The following TIAM2 variants were observed in gnomAD, a reference collection of about 807,000 sequenced individuals.
The protein encoded by TIAM2 is TIAM Rac1 associated GEF 2.
TIAM2 carries 80 observed loss-of-function variants against 152.9 expected under a neutral mutation model. That is an observed-to-expected ratio of 0.52 (90% confidence interval 0.44 to 0.63). The LOEUF (loss-of-function observed/expected upper bound fraction) is 0.63, where lower values mean the gene tolerates loss of function less well. TIAM2 is among the 30% of genes least tolerant of loss of function. The probability of loss-of-function intolerance (pLI) is 0.00; values close to 1 mark genes in which losing one functional copy is unlikely to be tolerated. For missense variants in TIAM2, 1,965 were observed against 2,120.1 expected, an observed-to-expected ratio of 0.93 and a Z score of 1.44; for synonymous variants, 804 against 838.0, an observed-to-expected ratio of 0.96 and a Z score of 0.70.
chr6:155,192,001 C>T (rs772746514), intron 14 of TIAM2, among the ~76,000 whole-genome samples: 4 of 152,126 alleles, frequency 2.6e-5, no homozygotes, highest in Non-Finnish European at 4.4e-5. Flanking sequence ...ATTAAGTTAA[C>T]TATCTTGAGA....
At chr6:155,231,812 C>A (rs746699603) in intron 15 of TIAM2, among the ~76,000 whole-genome samples, 1 of 152,232 alleles carries the variant, frequency 6.6e-6, no homozygotes, top group Non-Finnish European at 1.5e-5. Flanking sequence ...TGGTGGCTTG[C>A]GCCTGTAATC....
intron 7 of TIAM2, among the ~76,000 whole-genome samples, chr6:155,154,421 C>G (rs1011514108): frequency 6.6e-6 from 1 of 152,164 alleles, no homozygotes; most frequent in Non-Finnish European, 1.5e-5. Context: ...GTGACATGCT[C>G]TGGCCGTGTC....
chr6:155,153,781 C>A (rs1459787195), intron 7 of TIAM2, among the ~76,000 whole-genome samples: 1 of 151,968 alleles, frequency 6.6e-6, no homozygotes, highest in Non-Finnish European at 1.5e-5. Flanking sequence ...ACCACTACGC[C>A]CAGCTAATTT....
chr6:155,226,809 G>A lies in TIAM2; in HGVS notation c.3169-13721G>A, dbSNP rs143420459. Among the ~76,000 whole-genome samples the A allele has an allele frequency of 2.5e-3, 382 of 152,306 alleles. 1 individual carries two copies. The highest frequency in any genetic ancestry group is 8.7e-3 in the African/African-American group (360 of 41,562). On this transcript the variant is annotated intron_variant, in intron 15 of 26. Transcript: ENST00000682666. ...CTTTCATTCCCCCAAGTCAGAGCCCGTGCCCCTGTGTGTCTGTCCCCATCA... is the reference window on the plus strand; with the variant it reads ...CTTTCATTCCCCCAAGTCAGAGCCCATGCCCCTGTGTGTCTGTCCCCATCA...
chr6:155,228,806 G>C (rs1782337199), intron 15 of TIAM2, among the ~76,000 whole-genome samples: 1 of 152,150 alleles, frequency 6.6e-6, no homozygotes, highest in South Asian at 2.1e-4. Context: ...CGCTCCTCCT[G>C]TTCCCACCGC....
At chr6:155,082,542 CG>C (rs1299861183) in intron 1 of TIAM2, among the ~76,000 whole-genome samples, 36 of 151,902 alleles carry the variant, frequency 2.4e-4, no homozygotes, top group African/African-American at 8.7e-4. Context: ...CTCAGCTACT[CG>C]GGAGGCTAAG....
rs116632289 is a variant in TIAM2, at chr6:155,174,341, G to T, written c.2362-2475G>T. Among the ~76,000 whole-genome samples, 2,235 of 152,134 alleles carry T rather than the reference G, an allele frequency of 0.015. 60 individuals are homozygous for T. Among genetic ancestry groups the T allele is most frequent in the African/African-American group, 0.051 (2,123 of 41,496 alleles). ...TGGTGAGTGAACTGATGGCACATCA[G>T]GAGCTTGTTTCATTTGGTCTCACGA... On this transcript the variant is annotated intron_variant, in intron 9 of 26. Transcript: ENST00000682666. This position sits in a 1 kb window ranked among gnomAD's most constrained non-coding sequence, Gnocchi z 4.2.
At chr6:155,209,109 T>G (rs1039423895) in intron 14 of TIAM2, among the ~76,000 whole-genome samples, 2 of 152,024 alleles carry the variant, frequency 1.3e-5, no homozygotes, top group Non-Finnish European at 2.9e-5. Context: ...GCTTCCTGAG[T>G]GTCCCCACTC....
At chr6:155,153,553 TGA>T (rs1381155436) in intron 7 of TIAM2, among the ~76,000 whole-genome samples, 3 of 151,876 alleles carry the variant, frequency 2.0e-5, no homozygotes, top group Non-Finnish European at 2.9e-5. Context: ...GTGTGTAGCC[TGA>T]GTTATGTTTG....
chr6:155,121,657 T>C (rs1196732783), intron 2 of TIAM2, among the ~76,000 whole-genome samples: 1 of 152,216 alleles, frequency 6.6e-6, no homozygotes, highest in Admixed American at 6.5e-5. Flanking sequence ...CCTTTTGTTA[T>C]CTGGCTCTTG....
At chr6:155,112,125 C>CTT (rs34148436) in intron 2 of TIAM2, among the ~76,000 whole-genome samples, 3,656 of 131,374 alleles carry the variant, frequency 0.028, 128 homozygotes, top group African/African-American at 0.074. Context: ...TTGGTTTCCT[C>CTT]TTTTTTTTTT....
chr6:155,180,978 G>C (rs944001677), intron 12 of TIAM2, among the ~76,000 whole-genome samples: 2 of 152,082 alleles, frequency 1.3e-5, no homozygotes, highest in African/African-American at 4.8e-5. Flanking sequence ...CCTTCACTGT[G>C]CTTTTTGTGG....
intron 1 of TIAM2, among the ~76,000 whole-genome samples, chr6:155,045,813 A>G (rs1306026452): frequency 1.0e-5 from 1 of 99,610 alleles, no homozygotes; most frequent in Non-Finnish European, 2.1e-5. Flanking sequence ...TTTCTCACTC[A>G]TATTTTTTTC....
chr6:155,160,136 T>C (rs1780232025), intron 7 of TIAM2, among the ~76,000 whole-genome samples: 1 of 151,986 alleles, frequency 6.6e-6, no homozygotes, highest in African/African-American at 2.4e-5. Flanking sequence ...GGAGAGACAA[T>C]GGTATAGTTC....
chr6:155,052,309 A>G (rs1441022268), intron 1 of TIAM2, among the ~76,000 whole-genome samples: 6 of 152,206 alleles, frequency 3.9e-5, no homozygotes, highest in African/African-American at 1.4e-4. Context: ...CATAATATCA[A>G]TGATTTATTT....
chr6:155,226,619 C>T (rs911482633), intron 15 of TIAM2, among the ~76,000 whole-genome samples: 2 of 144,086 alleles, frequency 1.4e-5, no homozygotes, highest in Admixed American at 7.1e-5. Context: ...GAGCAGAGAT[C>T]GTGCCACTGC....
In TIAM2 at chr6:155,244,600, C is replaced by T. The variant is rs1243665241; in HGVS notation, c.3418-58C>T. 8.9e-6 allele frequency: 14 copies of T among 1,575,268 alleles called. No individual in the cohort carries two copies. In the Admixed American group the frequency reaches 9.0e-5, roughly 10 times the overall value. On this transcript the variant is annotated intron_variant, in intron 17 of 26. Coordinates refer to ENST00000682666, the MANE Select transcript of TIAM2 (RefSeq NM_012454.4). ...ATTTATTTGTGGGCCTAAGAGTTAG[C>T]GTGGTGTCCTGAACTTCATGGCTAA...
intron 1 of TIAM2, among the ~76,000 whole-genome samples, chr6:155,025,863 CACACACACACACAG>C (rs1341615553): frequency 1.5e-4 from 19 of 128,470 alleles, no homozygotes; most frequent in African/African-American, 5.1e-4. Flanking sequence ...CACACACACA[CACACACACACACAG>C]AAAAGAAAGA....
rs370061722 is a variant in TIAM2 at position 155,148,156 on chromosome 6, C to G, written c.1850C>G (p.Ser617Cys). The G allele has an allele frequency of 1.9e-6, 3 of 1,613,870 alleles. No individual in the cohort carries two copies. The African/African-American group carries it at 4.0e-5, about 22-fold the overall frequency. Residue 617 changes from serine (S) to cysteine (C), a missense_variant, in exon 7 of 27, where the codon TCT (serine) becomes TGT (cysteine). Physicochemically the swap from Ser to Cys is moderately radical, Grantham distance 112. Coordinates refer to ENST00000682666, the MANE Select transcript of TIAM2 (RefSeq NM_012454.4). ...DLENWVTAVH[S>C]ACASLFAKKH... ...GAAAACTGGGTCACTGCTGTACACT[C>G]TGCTTGTGCATCCCTTTTTGCAAAG...
Sources: gnomAD v4.1 joint callset for allele counts (sites outside exome capture counted in the v4.1 genomes callset) on GRCh38, gnomAD v4.1.1 for gene constraint, Gnocchi (gnomAD v3.1) non-coding constraint, MANE v1.5 for transcripts, NCBI Gene and HGNC (gene_info 2026-07-23, HGNC 2026-07-21) for gene names.